The following RAPGEF2 variants were observed in gnomAD, a reference collection of about 807,000 sequenced individuals.
RAPGEF2 encodes PDZ domain containing guanine nucleotide exchange factor (GEF) 1.
RAPGEF2 carries 54 observed loss-of-function variants against 186.7 expected under a neutral mutation model. The observed-to-expected ratio is 0.29, with a 90% CI of 0.23 to 0.36. The LOEUF is 0.36. Ranked by LOEUF, RAPGEF2 falls within the 10% of genes least tolerant of loss-of-function variation. The pLI, the probability that RAPGEF2 is intolerant of heterozygous loss-of-function variation, is 1.00. For missense variants in RAPGEF2, 1,532 were observed against 2,045.0 expected, an observed-to-expected ratio of 0.75 and a Z score of 4.84; for synonymous variants, 712 against 705.9, an observed-to-expected ratio of 1.01 and a Z score of -0.14.
At chr4:159,282,794 T>A (rs1399272414) in intron 7 of RAPGEF2, among the ~76,000 whole-genome samples, 4 of 152,210 alleles carry the variant, frequency 2.6e-5, no homozygotes, top group Non-Finnish European at 5.9e-5. Flanking sequence ...TTATACATTA[T>A]GCTATACAGT....
intron 5 of RAPGEF2, among the ~76,000 whole-genome samples, chr4:159,239,938 G>GAGAACTT (rs1249152084): frequency 1.1e-4 from 17 of 152,192 alleles, no homozygotes; most frequent in Non-Finnish European, 2.2e-4. Flanking sequence ...TGTCAGAAAT[G>GAGAACTT]AGAACTTCCT....
At chr4:159,190,943 A>G (rs139172989) in intron 2 of RAPGEF2, among the ~76,000 whole-genome samples, 153 of 152,334 alleles carry the variant, frequency 1.0e-3, no homozygotes, top group African/African-American at 3.5e-3. Flanking sequence ...AGAAATTCAT[A>G]TTCTGTCTTA....
At chr4:159,241,679 G>A (rs1252191533) in intron 6 of RAPGEF2, among the ~76,000 whole-genome samples, 2 of 151,652 alleles carry the variant, frequency 1.3e-5, no homozygotes, top group Admixed American at 1.3e-4. Context: ...TATTTCTTAA[G>A]TTGTTCTCTG....
At chr4:159,193,770 T>G (rs1748355417) in intron 3 of RAPGEF2, among the ~76,000 whole-genome samples, 1 of 152,244 alleles carries the variant, frequency 6.6e-6, no homozygotes, top group South Asian at 2.1e-4. Flanking sequence ...GAATATATAG[T>G]AGATAAATAT....
At chr4:159,134,994 C>G (rs1028882291) in intron 1 of RAPGEF2, among the ~76,000 whole-genome samples, 1 of 152,128 alleles carries the variant, frequency 6.6e-6, no homozygotes, top group African/African-American at 2.4e-5. Context: ...ATAATGTTTT[C>G]AAGATTCATC....
intron 12 of RAPGEF2, 69 bp from the exon 13 acceptor site, chr4:159,330,247 GTGTGTGTGTATATGTATA>G: frequency 7.3e-6 from 6 of 818,996 alleles, no homozygotes; most frequent in South Asian, 6.0e-5. Flanking sequence ...TGTCATATAT[GTGTGTGTGTATATGTATA>G]TGTGTGTGTG....
rs1234306625 is a variant in RAPGEF2, at chr4:159,330,518, T to C, written c.1467+20T>C. The C allele has an allele frequency of 2.6e-6, 4 of 1,560,530 alleles. No individual in the cohort carries two copies. In the Admixed American group the frequency reaches 6.0e-5, roughly 24 times the overall value. On this transcript the variant is annotated intron_variant, in intron 13 of 29. Transcript: ENST00000691494. ...GATAAGGTTGGAAATATATTCTATT[T>C]TGTCTCTTAAATATGAAATGTAAAC...
At chr4:159,337,910 AAAAG>A (rs1377836318) in intron 17 of RAPGEF2, among the ~76,000 whole-genome samples, 7 of 143,104 alleles carry the variant, frequency 4.9e-5, no homozygotes, top group African/African-American at 1.4e-4. Context: ...AAAAAAAAAA[AAAAG>A]AAAGAAAAAC....
intron 3 of RAPGEF2, among the ~76,000 whole-genome samples, chr4:159,199,623 A>T (rs979361146): frequency 6.6e-6 from 1 of 152,216 alleles, no homozygotes; most frequent in African/African-American, 2.4e-5. Context: ...CTGCTTAGTG[A>T]ATAAAAACCT....
intron 7 of RAPGEF2, among the ~76,000 whole-genome samples, chr4:159,284,748 T>C (rs183986964): frequency 6.6e-6 from 1 of 152,340 alleles, no homozygotes; most frequent in African/African-American, 2.4e-5. Context: ...TTTAAAGACA[T>C]CTTTCCTTAA....
At position 159,358,806 on chromosome 4, in the gene RAPGEF2, G is replaced by A. The variant is rs1359028681; in HGVS notation, c.*667G>A. 6.6e-6 allele frequency: 1 copy of A among 152,234 alleles called. No homozygotes were observed. The highest frequency in any genetic ancestry group is 2.4e-5 in the African/African-American group (1 of 41,454). The allele number at this position is 152,234 out of a possible 1,614,324, so 9.4% of individuals were successfully genotyped here. A position where few individuals can be genotyped will look rare whatever the true frequency, so the allele number is the denominator to read the frequency against. On this transcript the variant is annotated 3_prime_UTR_variant, in exon 30 of 30. Transcript: ENST00000691494. ...AAAAACCAAATATGCCGGACAGGGTGTGGCCACACCAAGAAGACGGGAAGA... is the reference window on the plus strand; with the variant it reads ...AAAAACCAAATATGCCGGACAGGGTATGGCCACACCAAGAAGACGGGAAGA...
At chr4:159,179,277 A>G (rs1746776322) in intron 1 of RAPGEF2, among the ~76,000 whole-genome samples, 1 of 152,116 alleles carries the variant, frequency 6.6e-6, no homozygotes, top group African/African-American at 2.4e-5. Flanking sequence ...GCAGTTGGGA[A>G]GGTTAGAAAT....
At position 159,104,521 on chromosome 4, in the gene RAPGEF2, AGAGAGG is replaced by A. The variant is rs1409855806; in HGVS notation, c.69+296_69+301del. Among the ~76,000 whole-genome samples the A allele has an allele frequency of 3.8e-3, 478 of 124,848 alleles. 2 individuals are homozygous for A. The highest frequency in any genetic ancestry group is 8.7e-3 in the South Asian group (35 of 4,004). The allele number at this position is 124,848 out of a possible 152,430, so 81.9% of individuals were successfully genotyped here. A position where few individuals can be genotyped will look rare whatever the true frequency, so the allele number is the denominator to read the frequency against. On this transcript the variant is annotated intron_variant, in intron 1 of 29. Coordinates refer to ENST00000691494, the MANE Select transcript of RAPGEF2 (RefSeq NM_001394067.2). ...GAGAGAGAGAGAGAGAGAGAGAGAG[AGAGAGG>A]GAGAGACAGAGAGAGAGAGAGAGAG...
At chr4:159,125,047 TA>T (rs2111108452) in intron 1 of RAPGEF2, among the ~76,000 whole-genome samples, 1 of 152,148 alleles carries the variant, frequency 6.6e-6, no homozygotes, top group East Asian at 1.9e-4. Context: ...TTTTTTTTTT[TA>T]GAAATAAAAG....
chr4:159,301,058 C>T (rs961590844), intron 7 of RAPGEF2, among the ~76,000 whole-genome samples: 1 of 152,136 alleles, frequency 6.6e-6, no homozygotes, highest in Non-Finnish European at 1.5e-5. Context: ...CATAACTTGA[C>T]TGATGTGTAT....
At chr4:159,111,460 GAC>G (rs879922584) in intron 1 of RAPGEF2, among the ~76,000 whole-genome samples, 6 of 152,192 alleles carry the variant, frequency 3.9e-5, no homozygotes, top group Admixed American at 3.3e-4. Context: ...TTGACAAACC[GAC>G]ACAGTGTAAT....
chr4:159,329,747 G>A, intron 11 of RAPGEF2, 111 bp from the exon 12 acceptor site: 2 of 830,372 alleles, frequency 2.4e-6, no homozygotes, highest in Non-Finnish European at 3.6e-6. Flanking sequence ...GAAAGTATGG[G>A]AAAGACAGGG....
chr4:159,348,024 C>G (rs113205356), intron 25 of RAPGEF2, among the ~76,000 whole-genome samples: 3,780 of 152,242 alleles, frequency 0.025, 156 homozygotes, highest in African/African-American at 0.084. Context: ...AGTTGGAGAC[C>G]AGCTTGCCCA....
chr4:159,356,337 T>C (rs1732011262), intron 29 of RAPGEF2, among the ~76,000 whole-genome samples, 179 bp downstream of exon 29: 1 of 151,740 alleles, frequency 6.6e-6, no homozygotes, highest in South Asian at 2.1e-4. Flanking sequence ...CTTTCTTTTG[T>C]GTGTGTGTGT....
Sources: allele counts gnomAD v4.1 joint callset (sites outside exome capture counted in the v4.1 genomes callset), GRCh38; gene constraint gnomAD v4.1.1; transcripts MANE v1.5; gene names NCBI Gene and HGNC (gene_info 2026-07-23, HGNC 2026-07-21).